Variants in TBC1D31 observed in about 807,000 individuals in gnomAD.
The protein encoded by TBC1D31 is TBC1 domain family member 31.
TBC1D31 carries 99 observed loss-of-function variants against 132.9 expected under a neutral mutation model. The ratio of observed to expected loss-of-function variants is 0.74; its 90% CI spans 0.63 to 0.88. TBC1D31 has a LOEUF of 0.88. TBC1D31 is among the 40% of genes least tolerant of loss of function. The probability of loss-of-function intolerance (pLI) is 0.00; values close to 1 mark genes in which losing one functional copy is unlikely to be tolerated. For synonymous variants in TBC1D31, 385 were observed against 419.4 expected (o/e 0.92, Z 1.00); for missense variants, 1,134 against 1,256.6 (o/e 0.90, Z 1.48).
intron 10 of TBC1D31, among the ~76,000 whole-genome samples, chr8:123,116,015 A>G (rs926417659): frequency 6.6e-6 from 1 of 152,212 alleles, no homozygotes; most frequent in Non-Finnish European, 1.5e-5. Context: ...ACTCAGAAAA[A>G]TAATTTATAT....
In TBC1D31 at chr8:123,082,690, A is replaced by G; in HGVS notation, c.225-12A>G. 1 of 1,567,030 alleles carries G rather than the reference A, an allele frequency of 6.4e-7. No homozygotes were observed. Among genetic ancestry groups the G allele is most frequent in the Non-Finnish European group, 8.7e-7 (1 of 1,147,190 alleles). Reference sequence around the variant, plus strand: ...AAGAATTTGTGATACTAATGCAATGATCTCTTAATAGGTTCAATCTTGTTC... The same window carrying G: ...AAGAATTTGTGATACTAATGCAATGGTCTCTTAATAGGTTCAATCTTGTTC... On this transcript the variant is annotated splice_polypyrimidine_tract_variant and intron_variant, in intron 2 of 21. Coordinates refer to ENST00000287380, the MANE Select transcript of TBC1D31 (RefSeq NM_145647.4).
chr8:123,137,350 C>T (rs913208491), intron 17 of TBC1D31, among the ~76,000 whole-genome samples: 1 of 152,164 alleles, frequency 6.6e-6, no homozygotes, highest in African/African-American at 2.4e-5. Context: ...CAAGACCACC[C>T]TCAGGTTCAG....
rs755180481 is a variant in TBC1D31, at chr8:123,112,891, A to G, written c.1436+3271A>G. On this transcript the variant is annotated intron_variant, in intron 10 of 21. Coordinates refer to ENST00000287380, the MANE Select transcript of TBC1D31 (RefSeq NM_145647.4). ...ACTATGCTTCCTGTCTGTGTGTAAGATAACATCACAGTTCAGACGTTTGTC... is the reference window on the plus strand; with the variant it reads ...ACTATGCTTCCTGTCTGTGTGTAAGGTAACATCACAGTTCAGACGTTTGTC... Among the ~76,000 whole-genome samples the G allele has an allele frequency of 4.9e-4, 74 of 152,194 alleles. 1 individual carries two copies. The highest frequency in any genetic ancestry group is 4.6e-4 in the Admixed American group (7 of 15,286).
chr8:123,117,469 A>G (rs1250823402), intron 10 of TBC1D31, among the ~76,000 whole-genome samples: 1 of 151,736 alleles, frequency 6.6e-6, no homozygotes. Flanking sequence ...TAAAATCACT[A>G]GTACACCAGG....
chr8:123,120,835 A>G (rs1819405746), intron 11 of TBC1D31, among the ~76,000 whole-genome samples: 1 of 151,844 alleles, frequency 6.6e-6, no homozygotes, highest in African/African-American at 2.4e-5. Flanking sequence ...CTTTTACTTC[A>G]TGTTATATAT....
At position 123,151,834 on chromosome 8, in the gene TBC1D31, G is replaced by C. The variant is rs940516155; in HGVS notation, c.3096G>C (p.Trp1032Cys). 1.3e-5 allele frequency: 21 copies of C among 1,571,494 alleles called. No individual in the cohort carries two copies. Among genetic ancestry groups the C allele is most frequent in the Non-Finnish European group, 1.7e-5 (20 of 1,168,000 alleles). The change falls in exon 22 of 22, where the codon TGG becomes TGC. Residue 1032 changes from tryptophan to cysteine, a missense_variant. By Grantham distance (215) the Trp-to-Cys change is radical (BLOSUM62 -2). Transcript: ENST00000287380. ...QISLNRRAVE[W>C]DTTGQNLIKK... ...CTTTAAATAGAAGAGCAGTAGAATG[G>C]GACACCACGGGACAGAATCTTATTA...
At chr8:123,121,387 T>C (rs1819470051) in intron 11 of TBC1D31, among the ~76,000 whole-genome samples, 1 of 152,226 alleles carries the variant, frequency 6.6e-6, no homozygotes, top group African/African-American at 2.4e-5. Context: ...CCAAAAGGGT[T>C]GTCATATGGT....
intron 1 of TBC1D31, chr8:123,073,276 G>T: frequency 2.2e-6 from 1 of 461,760 alleles, no homozygotes; most frequent in South Asian, 1.5e-5. Flanking sequence ...AAAGGCTGCA[G>T]TTTATCCATC....
intron 10 of TBC1D31, among the ~76,000 whole-genome samples, chr8:123,110,616 G>A (rs888505440): frequency 3.3e-5 from 5 of 151,862 alleles, no homozygotes; most frequent in Non-Finnish European, 7.4e-5. Context: ...AGCCAATCAC[G>A]TTGGGTGAAT....
intron 4 of TBC1D31, among the ~76,000 whole-genome samples, chr8:123,088,497 T>C (rs1197935107): frequency 6.6e-6 from 1 of 152,200 alleles, no homozygotes; most frequent in Non-Finnish European, 1.5e-5. Context: ...ACCACTTCAG[T>C]TGTAAACAGG....
chr8:123,140,833 G>A lies in TBC1D31; in HGVS notation c.2572G>A (p.Asp858Asn). The change falls in exon 18 of 22, where the codon GAT becomes AAT. Residue 858 changes from aspartate (D) to asparagine (N), a missense_variant. Transcript: ENST00000287380. ...ADADAYRRKV[D>N]LEEHMFHKLI... ...TGCAGATGCCTATAGACGAAAAGTG[G>A]ATCTTGAAGAACACATGTTTCATAA... 6.2e-7 allele frequency: 1 copy of A among 1,613,618 alleles called. No homozygotes were observed. The highest frequency in any genetic ancestry group is 1.3e-5 in the African/African-American group (1 of 75,018).
chr8:123,121,607 TC>T (rs1174521871), intron 11 of TBC1D31, among the ~76,000 whole-genome samples: 1 of 152,138 alleles, frequency 6.6e-6, no homozygotes, highest in Non-Finnish European at 1.5e-5. Context: ...GTGCTCTCGT[TC>T]CTGCCCTCTT....
chr8:123,089,487 C>A (rs918862138), intron 4 of TBC1D31, among the ~76,000 whole-genome samples: 2 of 152,206 alleles, frequency 1.3e-5, no homozygotes, highest in African/African-American at 4.8e-5. Flanking sequence ...CTTTAACACG[C>A]AGGCTGATTG....
At chr8:123,131,412 T>C (rs1377801557) in intron 16 of TBC1D31, among the ~76,000 whole-genome samples, 1 of 150,350 alleles carries the variant, frequency 6.7e-6, no homozygotes, top group Non-Finnish European at 1.5e-5. Flanking sequence ...CTTTCAGGTA[T>C]GTTCTATAGA....
At chr8:123,141,588 G>T (rs1461915670) in intron 18 of TBC1D31, among the ~76,000 whole-genome samples, 1 of 152,178 alleles carries the variant, frequency 6.6e-6, no homozygotes, top group Non-Finnish European at 1.5e-5. Flanking sequence ...AAATGGGTAT[G>T]TGTACCGGTC....
At chr8:123,141,797 C>G (rs1185285684) in intron 18 of TBC1D31, among the ~76,000 whole-genome samples, 1 of 147,526 alleles carries the variant, frequency 6.8e-6, no homozygotes, top group South Asian at 2.1e-4. Context: ...ATACCCTAGC[C>G]GATAAGTTCT....
chr8:123,109,623 A>C lies in TBC1D31; in HGVS notation c.1436+3A>C, dbSNP rs368068496. 56 of 1,598,838 alleles carry C rather than the reference A, an allele frequency of 3.5e-5. No individual in the cohort carries two copies. The highest frequency in any genetic ancestry group is 4.3e-5 in the Non-Finnish European group (51 of 1,174,398). ...AAGCTACTCAGAGTATTACAGAGGT[A>C]TGTTCTATATATTGCAGCAATGTGT... is the stretch of plus-strand genomic sequence containing the variant. On this transcript the variant is annotated splice_donor_region_variant and intron_variant, in intron 10 of 21. Transcript: ENST00000287380.
chr8:123,116,435 C>T (rs550553981), intron 10 of TBC1D31, among the ~76,000 whole-genome samples: 11 of 152,244 alleles, frequency 7.2e-5, no homozygotes, highest in African/African-American at 2.4e-4. Context: ...AGGTTTCTTA[C>T]TCTCAGAGAA....
At chr8:123,116,920 A>G (rs1818969599) in intron 10 of TBC1D31, among the ~76,000 whole-genome samples, 1 of 152,240 alleles carries the variant, frequency 6.6e-6, no homozygotes, top group Non-Finnish European at 1.5e-5. Context: ...GTTCTAATAA[A>G]TATAGAAGGA....
Sources: allele counts gnomAD v4.1 joint callset (sites outside exome capture counted in the v4.1 genomes callset), GRCh38; gene constraint gnomAD v4.1.1; transcripts MANE v1.5; gene names NCBI Gene and HGNC (gene_info 2026-07-23, HGNC 2026-07-21).